The following CTNNA2 variants were observed in gnomAD, a reference collection of about 807,000 sequenced individuals.
CTNNA2 encodes catenin alpha-2.
A neutral mutation model predicts 101.0 loss-of-function variants in CTNNA2; 42 were observed. The ratio of observed to expected loss-of-function variants is 0.42; its 90% CI spans 0.32 to 0.54. The LOEUF (loss-of-function observed/expected upper bound fraction) is 0.54, where lower values mean the gene tolerates loss of function less well. CTNNA2 is among the 20% of genes least tolerant of loss of function. The pLI is 0.14. For synonymous variants in CTNNA2, 450 were observed against 456.4 expected (o/e 0.99, Z 0.18); for missense variants, 871 against 1,223.1 (o/e 0.71, Z 4.29).
chr2:79,800,384 T>G (rs2105294202), intron 3 of CTNNA2, among the ~76,000 whole-genome samples: 1 of 152,346 alleles, frequency 6.6e-6, no homozygotes, highest in South Asian at 2.1e-4. Flanking sequence ...CTAGATTCAA[T>G]TCTGATTCCT....
chr2:80,242,470 A>T (rs1392623434), intron 7 of CTNNA2, among the ~76,000 whole-genome samples: 4 of 152,146 alleles, frequency 2.6e-5, no homozygotes, highest in African/African-American at 9.7e-5. Flanking sequence ...GTCCTGCTTC[A>T]ATTTATCTCT....
intron 3 of CTNNA2, among the ~76,000 whole-genome samples, chr2:79,755,966 C>T (rs1672369793): frequency 6.6e-6 from 1 of 151,506 alleles, no homozygotes; most frequent in African/African-American, 2.4e-5. Flanking sequence ...TAGGATTCAT[C>T]TTAATGCAAA....
chr2:79,344,609 C>G (rs951141870), intron 3 of CTNNA2, among the ~76,000 whole-genome samples: 6 of 151,828 alleles, frequency 4.0e-5, no homozygotes, highest in African/African-American at 1.5e-4. Context: ...TCTGAATCTT[C>G]CCATCCAGGC....
At chr2:79,737,669 T>C (rs904090087) in intron 2 of CTNNA2, among the ~76,000 whole-genome samples, 9 of 152,158 alleles carry the variant, frequency 5.9e-5, no homozygotes, top group Non-Finnish European at 1.2e-4. Flanking sequence ...CCTGAAATTC[T>C]ACATTTCTAA....
At chr2:80,457,244 A>G (rs764957822) in intron 9 of CTNNA2, among the ~76,000 whole-genome samples, 34 of 152,136 alleles carry the variant, frequency 2.2e-4, no homozygotes, top group Admixed American at 7.9e-4. Flanking sequence ...TTGTATCTTT[A>G]GTAGAGATGG....
At chr2:80,512,397 T>G (rs1559170625) in intron 9 of CTNNA2, among the ~76,000 whole-genome samples, 1 of 152,058 alleles carries the variant, frequency 6.6e-6, no homozygotes, top group East Asian at 1.9e-4. Context: ...AGGAAAATGG[T>G]AATAATTCCA....
rs574518412 is a variant in CTNNA2, at chr2:80,254,790, A to G, written c.1057-138421A>G. ...ATAAAGTCATGAAAATTGTATTTAAATTACTAAGTTTGAGGAAATTCCTTT... is the reference window on the plus strand; with the variant it reads ...ATAAAGTCATGAAAATTGTATTTAAGTTACTAAGTTTGAGGAAATTCCTTT... On this transcript the variant is annotated intron_variant, in intron 7 of 18. Coordinates refer to ENST00000402739, the MANE Select transcript of CTNNA2 (RefSeq NM_001282597.3). Among the ~76,000 whole-genome samples the G allele has an allele frequency of 4.6e-5, 7 of 152,282 alleles. No homozygotes were observed. The South Asian group carries it at 1.5e-3, about 32-fold the overall frequency.
intron 4 of CTNNA2, among the ~76,000 whole-genome samples, chr2:79,422,146 C>T (rs959984934): frequency 6.6e-6 from 1 of 152,136 alleles, no homozygotes; most frequent in East Asian, 1.9e-4. Context: ...GAGTAAGACG[C>T]TGTCTCAAAA....
intron 4 of CTNNA2, among the ~76,000 whole-genome samples, chr2:79,472,559 G>A (rs1016641575): frequency 6.6e-6 from 1 of 152,146 alleles, no homozygotes; most frequent in South Asian, 2.1e-4. Context: ...AAATCTAACA[G>A]CTTTTCTTCA....
chr2:79,308,571 C>CT (rs1442417951), intron 2 of CTNNA2, among the ~76,000 whole-genome samples: 2 of 151,936 alleles, frequency 1.3e-5, no homozygotes, highest in Non-Finnish European at 2.9e-5. Flanking sequence ...TTCATAAAGC[C>CT]TTTTTTCAGA....
Position 80,647,792 on chromosome 2 carries a change from C to A in CTNNA2, c.2782C>A (p.Arg928=). ...KREKPEEFQT[R]VRRGSQKKHI... ...AGAAAAGCCTGAAGAATTCCAGACACGAGTTCGACGAGGTTCTCAGAAGAA... is the reference window on the plus strand; with the variant it reads ...AGAAAAGCCTGAAGAATTCCAGACAAGAGTTCGACGAGGTTCTCAGAAGAA... Residue 928 remains arginine (R), a synonymous_variant, in exon 19 of 19, where the codon CGA becomes AGA. Coordinates refer to ENST00000402739, the MANE Select transcript of CTNNA2 (RefSeq NM_001282597.3). 1 of 1,613,584 alleles carries A rather than the reference C, an allele frequency of 6.2e-7. No homozygotes were observed. The highest frequency in any genetic ancestry group is 1.1e-5 in the South Asian group (1 of 91,048).
intron 3 of CTNNA2, among the ~76,000 whole-genome samples, chr2:79,354,176 A>G (rs1677454246): frequency 1.3e-5 from 2 of 152,088 alleles, no homozygotes; most frequent in African/African-American, 4.8e-5. Context: ...TTTTTATAGT[A>G]TCTCACAAGG....
chr2:79,769,983 T>G (rs549024473), intron 3 of CTNNA2, among the ~76,000 whole-genome samples: 1 of 152,226 alleles, frequency 6.6e-6, no homozygotes, highest in East Asian at 1.9e-4. Context: ...AAAATTCATT[T>G]AATTTTACTT....
chr2:79,289,136 T>C (rs1675715763), intron 2 of CTNNA2, among the ~76,000 whole-genome samples: 1 of 152,176 alleles, frequency 6.6e-6, no homozygotes, highest in South Asian at 2.1e-4. Context: ...AATTGGGCCT[T>C]TGCCTCTCAG....
chr2:80,134,423 AATGGAT>A (rs1327647060), intron 7 of CTNNA2, among the ~76,000 whole-genome samples: 1 of 152,186 alleles, frequency 6.6e-6, no homozygotes, highest in Non-Finnish European at 1.5e-5. Context: ...TGATCACCAT[AATGGAT>A]ATGCAACCCG....
In CTNNA2 at chr2:80,553,209, G is replaced by A. The variant is rs150103745; in HGVS notation, c.1541-2484G>A. On this transcript the variant is annotated intron_variant, in intron 11 of 18. Transcript: ENST00000402739. ...ACTGCACTCCAGCCTGGGCGACAGA[G>A]GGAGACTCCGTCTCAAAAAAAAAAA... 4.4e-3 allele frequency among the ~76,000 whole-genome samples: 621 copies of A among 140,788 alleles called. 12 individuals are homozygous for A. The highest frequency in any genetic ancestry group is 0.015 in the African/African-American group (583 of 38,532). 92.4% of individuals were successfully genotyped at this position (140,788 alleles called of 152,430 possible). A position where few individuals can be genotyped will look rare whatever the true frequency, so the allele number is the denominator to read the frequency against.
chr2:80,330,358 A>T (rs1033910054), intron 7 of CTNNA2, among the ~76,000 whole-genome samples: 1 of 152,186 alleles, frequency 6.6e-6, no homozygotes, highest in African/African-American at 2.4e-5. Flanking sequence ...CCCACAGATA[A>T]CTTGTACTTA....
chr2:80,129,000 A>T (rs1383175598), intron 7 of CTNNA2, among the ~76,000 whole-genome samples: 1 of 152,238 alleles, frequency 6.6e-6, no homozygotes, highest in East Asian at 1.9e-4. Flanking sequence ...ACATCATATG[A>T]TCTACACTTC....
At position 79,448,703 on chromosome 2, in the gene CTNNA2, G is replaced by T. The variant is rs72820640; in HGVS notation, c.-134-56351G>T. On this transcript the variant is annotated intron_variant, in intron 4 of 21. Coordinates refer to the CTNNA2 transcript ENST00000466387. ...AAAACCAGTATTCAGGCTTGAAGAT[G>T]GGCAGTAGGTAATTGACAGCTTTAG... Among the ~76,000 whole-genome samples, 288 of 152,102 alleles carry T rather than the reference G, an allele frequency of 1.9e-3. 3 individuals carry two copies. Among genetic ancestry groups the T allele is most frequent in the Non-Finnish European group, 3.0e-3 (202 of 67,930 alleles).
Sources: allele counts gnomAD v4.1 joint callset (sites outside exome capture counted in the v4.1 genomes callset), GRCh38; gene constraint gnomAD v4.1.1; transcripts MANE v1.5; gene names NCBI Gene and HGNC (gene_info 2026-07-23, HGNC 2026-07-21).